PRKCB: variants seen among roughly 807,000 people sequenced by gnomAD.
PRKCB encodes protein kinase C beta, also known as protein kinase C beta type.
PRKCB carries 13 observed loss-of-function variants against 81.5 expected under a neutral mutation model. That is an observed-to-expected ratio of 0.16 (90% CI 0.10 to 0.25). The LOEUF (loss-of-function observed/expected upper bound fraction) is 0.25. Among genes scored for constraint, PRKCB ranks in the 10% least tolerant of loss-of-function variants. PRKCB has a pLI of 1.00. For synonymous variants in PRKCB, 335 were observed against 321.4 expected, an observed-to-expected ratio of 1.04 and a Z score of -0.45; for missense variants, 509 against 875.7, an observed-to-expected ratio of 0.58 and a Z score of 5.29.
At chr16:23,871,646 C>T (rs1203535512) in intron 2 of PRKCB, among the ~76,000 whole-genome samples, 1 of 152,044 alleles carries the variant, frequency 6.6e-6, no homozygotes, top group Non-Finnish European at 1.5e-5. Context: ...GGCACAATCT[C>T]GGCTCACTGC....
At chr16:24,170,308 C>A (rs1263028857) in intron 10 of PRKCB, among the ~76,000 whole-genome samples, 1 of 151,044 alleles carries the variant, frequency 6.6e-6, no homozygotes, top group Non-Finnish European at 1.5e-5. Flanking sequence ...ATATAATTAA[C>A]AAATTATGAT....
At chr16:24,124,560 T>C (rs1198025932) in intron 9 of PRKCB, among the ~76,000 whole-genome samples, 1 of 152,190 alleles carries the variant, frequency 6.6e-6, no homozygotes, top group Non-Finnish European at 1.5e-5. Context: ...TTTCAAACAG[T>C]TGCACAGTGG....
chr16:23,903,584 T>C (rs1405026681), intron 2 of PRKCB, among the ~76,000 whole-genome samples: 1 of 151,942 alleles, frequency 6.6e-6, no homozygotes, highest in African/African-American at 2.4e-5. Flanking sequence ...GGGAAGAGAG[T>C]ATTAAAATAC....
At chr16:24,026,404 A>T (rs1170983489) in intron 3 of PRKCB, among the ~76,000 whole-genome samples, 2 of 152,210 alleles carry the variant, frequency 1.3e-5, no homozygotes, top group East Asian at 1.9e-4. Flanking sequence ...GTTGATATGG[A>T]GAAAGGTCTG....
chr16:23,882,748 ATCT>A (rs1597226678), intron 2 of PRKCB, among the ~76,000 whole-genome samples: 1 of 118,390 alleles, frequency 8.4e-6, no homozygotes, highest in Admixed American at 1.1e-4. Context: ...GTATACAAAT[ATCT>A]TTTTTTTTTT....
At chr16:24,112,374 T>A (rs59411472) in intron 7 of PRKCB, among the ~76,000 whole-genome samples, 15,263 of 151,954 alleles carry the variant, frequency 0.1, 881 homozygotes, top group Middle Eastern at 0.18. Context: ...ACAAAAAAAT[T>A]TTTTTTTGTT....
intron 2 of PRKCB, among the ~76,000 whole-genome samples, chr16:23,918,552 A>G (rs185566594): frequency 1.3e-5 from 2 of 152,160 alleles, no homozygotes; most frequent in East Asian, 3.9e-4. Context: ...ACACACCACC[A>G]GGCCTAACTA....
chr16:23,988,472 C>G, intron 2 of PRKCB, 36 bp from the exon 3 acceptor site: 3 of 1,574,996 alleles, frequency 1.9e-6, no homozygotes, highest in East Asian at 2.2e-5. Flanking sequence ...CGCTTTCCTT[C>G]TTCCCTTCCT....
rs78430251 is a variant in PRKCB at position 23,896,691 on chromosome 16, T to G, written c.205+59285T>G. Among the ~76,000 whole-genome samples, 892 of 152,326 alleles carry G rather than the reference T, an allele frequency of 5.9e-3. 6 individuals are homozygous for G. Among genetic ancestry groups the G allele is most frequent in the African/African-American group, 0.021 (857 of 41,570 alleles). ...CATTCCAGGCAGAAGGACTAGCATATGCAAAGGGCTTGAAAGGGGAAAGAG... is the reference window on the plus strand; with the variant it reads ...CATTCCAGGCAGAAGGACTAGCATAGGCAAAGGGCTTGAAAGGGGAAAGAG... On this transcript the variant is annotated intron_variant, in intron 2 of 16. Transcript: ENST00000643927.
chr16:23,847,471 T>TCCATCCACCCAC (rs1555478121), intron 2 of PRKCB, among the ~76,000 whole-genome samples: 2 of 141,910 alleles, frequency 1.4e-5, no homozygotes, highest in Middle Eastern at 3.7e-3. Context: ...CATCCATCCA[T>TCCATCCACCCAC]CCATCCACCC....
chr16:24,020,997 T>TTTC (rs1965358051), intron 3 of PRKCB, among the ~76,000 whole-genome samples: 1 of 130,956 alleles, frequency 7.6e-6, no homozygotes, highest in African/African-American at 3.0e-5. Flanking sequence ...TCTTTCTTTC[T>TTTC]TTCTTTCTTT....
At chr16:24,026,693 CAG>C (rs1451267804) in intron 3 of PRKCB, among the ~76,000 whole-genome samples, 2 of 152,198 alleles carry the variant, frequency 1.3e-5, no homozygotes, top group African/African-American at 4.8e-5. Flanking sequence ...AGAGTAGAGA[CAG>C]AATGTGTCCT....
At chr16:24,084,270 G>A (rs1375521269) in intron 5 of PRKCB, among the ~76,000 whole-genome samples, 1 of 152,114 alleles carries the variant, frequency 6.6e-6, no homozygotes. Flanking sequence ...CATCTATACT[G>A]TATTCAAAGT....
chr16:23,866,979 C>T (rs1405068921), intron 2 of PRKCB, among the ~76,000 whole-genome samples: 2 of 62,156 alleles, frequency 3.2e-5, no homozygotes, highest in Non-Finnish European at 3.2e-5. Flanking sequence ...CCTTCCTTCC[C>T]TTCCTTCCCT....
chr16:23,866,982 CCTTCCCTTCCTTCCCTTCCTTCCTTCCT>C (rs1962804879), intron 2 of PRKCB, among the ~76,000 whole-genome samples: 1 of 69,778 alleles, frequency 1.4e-5, no homozygotes, highest in African/African-American at 5.7e-5. Context: ...TCCTTCCCTT[CCTTCCCTTCCTTCCCTTCCTTCCTTCCT>C]TCCTTCCTTC....
chr16:23,976,744 A>C (rs943401928), intron 2 of PRKCB, among the ~76,000 whole-genome samples: 1 of 152,114 alleles, frequency 6.6e-6, no homozygotes, highest in African/African-American at 2.4e-5. Flanking sequence ...TGCTCTCTGC[A>C]TCTTTGGGGG....
At chr16:24,161,034 C>A (rs548693124) in intron 10 of PRKCB, among the ~76,000 whole-genome samples, 1 of 151,826 alleles carries the variant, frequency 6.6e-6, no homozygotes, top group East Asian at 1.9e-4. Flanking sequence ...GAGACAAATC[C>A]AATATAACAT....
rs1963414766 is a variant in PRKCB, at chr16:23,898,403, A to C, written c.205+60997A>C. 2.6e-5 allele frequency among the ~76,000 whole-genome samples: 4 copies of C among 152,188 alleles called. No homozygotes were observed. The South Asian group carries it at 8.3e-4, about 32-fold the overall frequency. On this transcript the variant is annotated intron_variant, in intron 2 of 16. Transcript: ENST00000643927. The stretch of plus-strand genomic sequence containing the variant: ...TTAATTGAGTGCCTGTTGTGTGCTA[A>C]GTACTGTGCTGGGTTCTCATCCAGT...
chr16:23,911,347 T>C (rs1343832785), intron 2 of PRKCB, among the ~76,000 whole-genome samples: 1 of 151,762 alleles, frequency 6.6e-6, no homozygotes, highest in Non-Finnish European at 1.5e-5. Context: ...AGGCTGTTCT[T>C]CAACTCCTGA....
Sources: gnomAD v4.1 joint callset for allele counts (sites outside exome capture counted in the v4.1 genomes callset) on GRCh38, gnomAD v4.1.1 for gene constraint, MANE v1.5 for transcripts, NCBI Gene and HGNC (gene_info 2026-07-23, HGNC 2026-07-21) for gene names.